Variants in COBL observed in about 807,000 individuals in gnomAD.
The protein encoded by COBL is protein cordon-bleu.
In COBL, 51 loss-of-function variants were observed where a neutral mutation model predicts 98.8. The observed-to-expected ratio is 0.52, with a 90% CI of 0.41 to 0.65. The LOEUF is 0.65. Among genes scored for constraint, COBL ranks in the 30% least tolerant of loss-of-function variants. The probability of loss-of-function intolerance (pLI) is 0.00; values close to 1 mark genes in which losing one functional copy is unlikely to be tolerated. For missense variants in COBL, 1,617 were observed against 1,617.5 expected (o/e 1.00, Z 0.01); for synonymous variants, 634 against 651.7 (o/e 0.97, Z 0.41).
In COBL at chr7:51,016,901, G is replaced by A. The variant is rs1033598924; in HGVS notation, c.*650C>T. On this transcript the variant is annotated 3_prime_UTR_variant, in exon 13 of 13. Coordinates refer to ENST00000265136, the MANE Select transcript of COBL (RefSeq NM_015198.5). Reference sequence around the variant, plus strand: ...CATGATCACGTAGGACTGTTTTCTGGGTGGTAATAGTTGATTTTTAAAAGC... The same window carrying A: ...CATGATCACGTAGGACTGTTTTCTGAGTGGTAATAGTTGATTTTTAAAAGC... 2 of 399,498 alleles carry A rather than the reference G, an allele frequency of 5.0e-6. No homozygotes were observed. The highest frequency in any genetic ancestry group is 4.1e-5 in the African/African-American group (2 of 48,634). 24.7% of individuals were successfully genotyped at this position (399,498 alleles called of 1,614,324 possible). A position where few individuals can be genotyped will look rare whatever the true frequency, so the allele number is the denominator to read the frequency against.
intron 6 of COBL, among the ~76,000 whole-genome samples, chr7:51,130,947 C>T (rs62448310): frequency 0.022 from 3,369 of 152,250 alleles, 68 homozygotes; most frequent in Non-Finnish European, 0.036. Flanking sequence ...GTAATAAATA[C>T]CAATTCATGC....
chr7:51,091,056 C>T (rs1420203112), intron 6 of COBL, among the ~76,000 whole-genome samples: 5 of 152,192 alleles, frequency 3.3e-5, no homozygotes, highest in Non-Finnish European at 5.9e-5. Context: ...TGTTATTACA[C>T]TGTAAGAAGC....
At chr7:51,174,294 C>T (rs1788154373) in intron 5 of COBL, among the ~76,000 whole-genome samples, 1 of 152,138 alleles carries the variant, frequency 6.6e-6, no homozygotes, top group Non-Finnish European at 1.5e-5. Context: ...TAATGCCTCT[C>T]TCACCAGGTT....
intron 6 of COBL, among the ~76,000 whole-genome samples, chr7:51,107,702 C>T (rs112649307): frequency 0.014 from 2,119 of 152,224 alleles, 51 homozygotes; most frequent in African/African-American, 0.048. Context: ...CTCTCCGTAC[C>T]CGGGCTGCAC....
chr7:51,273,026 G>A (rs1380170806), intron 1 of COBL, among the ~76,000 whole-genome samples: 3 of 151,846 alleles, frequency 2.0e-5, no homozygotes, highest in Admixed American at 2.0e-4. Context: ...CAAATAATAG[G>A]GCATTGAAAA....
At chr7:51,154,980 T>C (rs1301140651) in intron 5 of COBL, among the ~76,000 whole-genome samples, 3 of 152,344 alleles carry the variant, frequency 2.0e-5, no homozygotes, top group Non-Finnish European at 2.9e-5. Context: ...CCTACTCTTG[T>C]TTCCAGGCAC....
chr7:51,023,383 C>A (rs1489184586), intron 12 of COBL, among the ~76,000 whole-genome samples: 1 of 152,178 alleles, frequency 6.6e-6, no homozygotes, highest in Non-Finnish European at 1.5e-5. Context: ...AGACTTTTCT[C>A]CCCAGCATCC....
intron 1 of COBL, among the ~76,000 whole-genome samples, chr7:51,295,327 G>C (rs1422977969): frequency 6.7e-6 from 1 of 150,142 alleles, no homozygotes; most frequent in Non-Finnish European, 1.5e-5. Context: ...AGTAGGTGTA[G>C]CAAACCACCA....
At position 51,038,210 on chromosome 7, in the gene COBL, A is replaced by G. The variant is rs144693477; in HGVS notation, c.1406+5173T>C. Reference sequence around the variant, plus strand: ...TTCTTAGAAGCATGGTATTCTTGAGACTCTTCAATTTAATGCCTTGGCTCC... The same window carrying G: ...TTCTTAGAAGCATGGTATTCTTGAGGCTCTTCAATTTAATGCCTTGGCTCC... On this transcript the variant is annotated intron_variant, in intron 8 of 12. Transcript: ENST00000265136. Among the ~76,000 whole-genome samples, 360 of 152,168 alleles carry G rather than the reference A, an allele frequency of 2.4e-3. 1 individual carries two copies. The highest frequency in any genetic ancestry group is 8.4e-3 in the African/African-American group (347 of 41,492).
chr7:51,289,391 C>T (rs1021887720), intron 1 of COBL, among the ~76,000 whole-genome samples: 1 of 152,228 alleles, frequency 6.6e-6, no homozygotes, highest in Non-Finnish European at 1.5e-5. Context: ...TCCCTGGATC[C>T]TGTGTCACTG....
chr7:51,240,143 T>C (rs958349605), intron 1 of COBL, among the ~76,000 whole-genome samples: 1 of 152,218 alleles, frequency 6.6e-6, no homozygotes, highest in African/African-American at 2.4e-5. Flanking sequence ...AAACAGGATC[T>C]GGCCTGTTGA....
chr7:51,146,273 T>C (rs1306384477), intron 5 of COBL, among the ~76,000 whole-genome samples: 1 of 152,234 alleles, frequency 6.6e-6, no homozygotes, highest in Non-Finnish European at 1.5e-5. Context: ...TTGGGTACTC[T>C]ATTATTAATT....
chr7:51,220,929 G>GTA (rs1446254759), intron 1 of COBL, among the ~76,000 whole-genome samples: 1 of 152,118 alleles, frequency 6.6e-6, no homozygotes, highest in Non-Finnish European at 1.5e-5. Flanking sequence ...ATATATGTGT[G>GTA]TATATATATG....
At chr7:51,102,421 G>A (rs1345129050) in intron 6 of COBL, among the ~76,000 whole-genome samples, 1 of 152,096 alleles carries the variant, frequency 6.6e-6, no homozygotes, top group African/African-American at 2.4e-5. Context: ...AACTTAAAGA[G>A]GACAGATAAG....
rs1048799075 is a variant in COBL at position 51,276,968 on chromosome 7, T to G, written c.41+39625A>C. Among the ~76,000 whole-genome samples the G allele has an allele frequency of 2.0e-5, 3 of 152,234 alleles. No individual in the cohort carries two copies. The East Asian group carries it at 5.8e-4, about 29-fold the overall frequency. On this transcript the variant is annotated intron_variant, in intron 1 of 12. Transcript: ENST00000265136. Reference sequence around the variant, plus strand: ...GGCACCACAGAAAAGGAGATGCATCTGGGAGCAGCGAACACACAGATGGTG... The same window carrying G: ...GGCACCACAGAAAAGGAGATGCATCGGGGAGCAGCGAACACACAGATGGTG...
At chr7:51,105,212 C>T (rs1232563520) in intron 6 of COBL, among the ~76,000 whole-genome samples, 2 of 152,066 alleles carry the variant, frequency 1.3e-5, no homozygotes, top group African/African-American at 4.8e-5. Context: ...TTAAAAGTCT[C>T]GCTTCTGCTG....
intron 1 of COBL, among the ~76,000 whole-genome samples, chr7:51,224,789 G>T (rs1347566548): frequency 6.6e-6 from 1 of 152,114 alleles, no homozygotes; most frequent in African/African-American, 2.4e-5. Context: ...CCAAGTAGCT[G>T]GGATTACAGG....
intron 6 of COBL, among the ~76,000 whole-genome samples, chr7:51,132,586 C>T (rs764106047): frequency 1.6e-4 from 24 of 152,156 alleles, no homozygotes; most frequent in Non-Finnish European, 2.5e-4. Flanking sequence ...AACAAACTCT[C>T]CTTCGGGATG....
At chr7:51,314,859 C>G (rs1044769462) in intron 1 of COBL, among the ~76,000 whole-genome samples, 5 of 152,198 alleles carry the variant, frequency 3.3e-5, no homozygotes, top group African/African-American at 1.2e-4. Flanking sequence ...CCAATCAGAG[C>G]TCTGGGAAGC....
Sources: allele counts gnomAD v4.1 joint callset (sites outside exome capture counted in the v4.1 genomes callset), GRCh38; gene constraint gnomAD v4.1.1; transcripts MANE v1.5; gene names NCBI Gene and HGNC (gene_info 2026-07-23, HGNC 2026-07-21).